The following SCN9A variants were observed in gnomAD, a reference collection of about 807,000 sequenced individuals.
The protein encoded by SCN9A is sodium channel protein type 9 subunit alpha.
A neutral mutation model predicts 187.0 loss-of-function variants in SCN9A; 131 were observed. That is an observed-to-expected ratio of 0.70 (90% CI 0.61 to 0.81). The LOEUF is 0.81. Ranked by LOEUF, SCN9A falls within the 30% of genes least tolerant of loss-of-function variation. The probability of loss-of-function intolerance (pLI) is 0.00; values close to 1 mark genes in which losing one functional copy is unlikely to be tolerated. For missense variants in SCN9A, 2,252 were observed against 2,396.6 expected, an observed-to-expected ratio of 0.94 and a Z score of 1.26; for synonymous variants, 809 against 808.6, an observed-to-expected ratio of 1.00 and a Z score of -0.01.
intron 17 of SCN9A, among the ~76,000 whole-genome samples, chr2:166,262,144 A>T (rs914320240): frequency 6.6e-6 from 1 of 151,958 alleles, no homozygotes; most frequent in African/African-American, 2.4e-5. Context: ...GAATGAATGT[A>T]TCAGGCAGAA....
At position 166,312,816 on chromosome 2, in the gene SCN9A, C is replaced by CTTT. The variant is rs35595054; in HGVS notation, c.-50-1013_-50-1011dup. On this transcript the variant is annotated intron_variant, in intron 1 of 26. Coordinates refer to ENST00000642356, the MANE Select transcript of SCN9A (RefSeq NM_001365536.1). ...TAGGCAGTGATATTTTGAAAGAAAT[C>CTTT]TTTTTTTTTTTTCCTGAGCTATAAG... 8.9e-5 allele frequency among the ~76,000 whole-genome samples: 13 copies of CTTT among 145,974 alleles called. No individual in the cohort carries two copies. In the East Asian group the frequency reaches 1.0e-3, roughly 11 times the overall value.
rs1263970900 is a variant in SCN9A at position 166,280,378 on chromosome 2, A to T, written c.2322T>A (p.Asn774Lys). Residue 774 changes from asparagine (N) to lysine (K), a missense_variant, in exon 14 of 27, where the codon AAT (asparagine) becomes AAA (lysine). Physicochemically the swap from Asn to Lys is moderately conservative, Grantham distance 94. This residue lies in a region of SCN9A where 1,013 missense variants were observed against 997.4 expected (regional missense o/e 1.02). Transcript: ENST00000642356. ...EHHPMTEEFKNVLAIGNLVFT... is the reference protein window; with the variant it reads ...EHHPMTEEFKKVLAIGNLVFT... ...TTACCAAATTTCCTATAGCAAGTAC[A>T]TTTTTGAATTCCTCAGTCATTGGGT... 8 of 1,577,298 alleles carry T rather than the reference A, an allele frequency of 5.1e-6. No individual in the cohort carries two copies. Among genetic ancestry groups the T allele is most frequent in the Middle Eastern group, 1.7e-4 (1 of 5,986 alleles).
At chr2:166,220,492 GA>G (rs1694536051) in intron 24 of SCN9A, among the ~76,000 whole-genome samples, 1 of 135,870 alleles carries the variant, frequency 7.4e-6, no homozygotes, top group South Asian at 2.4e-4. Context: ...ATCATAACAT[GA>G]TACCTTACAG....
Position 166,307,028 on chromosome 2 carries a change from G to T in SCN9A, c.305C>A (p.Ala102Asp). ...AGAAAGCATATATAAAGCAGGTGTG[G>T]CATTGAAACGGAAGATTGTTTTCCC... The part of the protein sequence containing the change: ...NKGKTIFRFN[A>D]TPALYMLSPF... The change falls in exon 3 of 27, where the codon GCC becomes GAC. Residue 102 changes from alanine to aspartate, a missense_variant. Ala to Asp is a moderately radical substitution (Grantham distance 126). Coordinates refer to ENST00000642356, the MANE Select transcript of SCN9A (RefSeq NM_001365536.1). The T allele has an allele frequency of 6.2e-7, 1 of 1,611,700 alleles. No homozygotes were observed. The highest frequency in any genetic ancestry group is 8.5e-7 in the Non-Finnish European group (1 of 1,178,082).
At chr2:166,228,550 C>A (rs552924175) in intron 22 of SCN9A, 141 bp downstream of exon 22, 7 of 834,098 alleles carry the variant, frequency 8.4e-6, no homozygotes, top group Non-Finnish European at 1.1e-5. Context: ...AGCCACTGCG[C>A]CCGGCCAAGA....
chr2:166,332,474 C>G (rs1247003970), intron 1 of SCN9A, among the ~76,000 whole-genome samples: 1 of 152,132 alleles, frequency 6.6e-6, no homozygotes, highest in African/African-American at 2.4e-5. Context: ...AAACAAGCTC[C>G]TTTTGGCTAT....
intron 2 of SCN9A, among the ~76,000 whole-genome samples, chr2:166,309,280 G>T (rs574251637): frequency 1.3e-5 from 2 of 152,184 alleles, no homozygotes; most frequent in African/African-American, 4.8e-5. Context: ...AAAAAGAATT[G>T]TTGGTATTTT....
In SCN9A at chr2:166,306,599, G is replaced by A. The variant is rs1392264337; in HGVS notation, c.378C>T (p.Ser126=). ...RRISIKILVH[S]LFSMLIMCTI... ...TGCACATGATGAGCATGCTGAATAAGGTAGCTTAGAATCAAGGAACAAAAG... is the reference window on the plus strand; with the variant it reads ...TGCACATGATGAGCATGCTGAATAAAGTAGCTTAGAATCAAGGAACAAAAG... Residue 126 remains serine (S), a splice_region_variant and synonymous_variant, in exon 4 of 27, where the codon TCC becomes TCT. Coordinates refer to ENST00000642356, the MANE Select transcript of SCN9A (RefSeq NM_001365536.1). 4 of 1,563,852 alleles carry A rather than the reference G, an allele frequency of 2.6e-6. No individual in the cohort carries two copies. Among genetic ancestry groups the A allele is most frequent in the Non-Finnish European group, 3.5e-6 (4 of 1,149,044 alleles).
At chr2:166,235,999 T>C (rs1020947071) in intron 20 of SCN9A, among the ~76,000 whole-genome samples, 5 of 152,104 alleles carry the variant, frequency 3.3e-5, no homozygotes, top group African/African-American at 1.2e-4. Context: ...CACTGAATGA[T>C]GAAAATGAGT....
intron 1 of SCN9A, among the ~76,000 whole-genome samples, chr2:166,337,456 G>A (rs1043047718): frequency 2.6e-5 from 4 of 152,114 alleles, no homozygotes; most frequent in Non-Finnish European, 5.9e-5. Context: ...GGAGACACCA[G>A]CATATAAAGA....
At chr2:166,240,895 A>G (rs1007059125) in intron 19 of SCN9A, among the ~76,000 whole-genome samples, 1 of 152,134 alleles carries the variant, frequency 6.6e-6, no homozygotes, top group South Asian at 2.1e-4. Context: ...AAAAGGATGC[A>G]TTCCCTAAGC....
intron 9 of SCN9A, among the ~76,000 whole-genome samples, chr2:166,291,409 T>C (rs1035816823): frequency 6.6e-6 from 1 of 152,048 alleles, no homozygotes; most frequent in African/African-American, 2.4e-5. Context: ...AAGCCACTAC[T>C]CAAGGAAACA....
At chr2:166,344,411 A>T (rs1699854734) in intron 1 of SCN9A, among the ~76,000 whole-genome samples, 1 of 152,198 alleles carries the variant, frequency 6.6e-6, no homozygotes, top group African/African-American at 2.4e-5. Context: ...ATGAGAAACC[A>T]CAAAGAAAAG....
At chr2:166,344,564 A>G (rs1036296421) in intron 1 of SCN9A, among the ~76,000 whole-genome samples, 3 of 152,192 alleles carry the variant, frequency 2.0e-5, no homozygotes, top group African/African-American at 4.8e-5. Context: ...TCAGCTCTAT[A>G]AATCATCATT....
In SCN9A at chr2:166,355,968, T is replaced by G. The variant is rs13390803; in HGVS notation, c.-51+19729A>C. On this transcript the variant is annotated intron_variant, in intron 1 of 26. Coordinates refer to ENST00000642356, the MANE Select transcript of SCN9A (RefSeq NM_001365536.1). ...TTGTATTTTTAGTAGCGACAGGGTT[T>G]CACCATGTTGGCCAGGATGGTCTTG... Among the ~76,000 whole-genome samples, 1,434 of 152,254 alleles carry G rather than the reference T, an allele frequency of 9.4e-3. 29 individuals are homozygous for G. Among genetic ancestry groups the G allele is most frequent in the African/African-American group, 0.033 (1,379 of 41,548 alleles).
At chr2:166,253,347 T>G (rs1238699542) in intron 17 of SCN9A, among the ~76,000 whole-genome samples, 1 of 151,792 alleles carries the variant, frequency 6.6e-6, no homozygotes, top group African/African-American at 2.4e-5. Flanking sequence ...TCCAGGAGTT[T>G]GATAACAGTT....
chr2:166,325,612 A>G (rs1295825518), intron 1 of SCN9A, among the ~76,000 whole-genome samples: 1 of 152,172 alleles, frequency 6.6e-6, no homozygotes, highest in Non-Finnish European at 1.5e-5. Context: ...TCCCTCAACC[A>G]TGGTAAGCAT....
chr2:166,288,250 A>T (rs1276277156), intron 10 of SCN9A, among the ~76,000 whole-genome samples, 187 bp downstream of exon 10: 2 of 151,684 alleles, frequency 1.3e-5, no homozygotes, highest in East Asian at 1.9e-4. Context: ...GATTATGGGG[A>T]AAGTATCAAT....
chr2:166,339,299 A>G (rs1207935435), intron 1 of SCN9A, among the ~76,000 whole-genome samples: 2 of 152,178 alleles, frequency 1.3e-5, no homozygotes, highest in African/African-American at 4.8e-5. Flanking sequence ...TTAAAGGCAC[A>G]AACAAGTAAT....
Sources: allele counts gnomAD v4.1 joint callset (sites outside exome capture counted in the v4.1 genomes callset), GRCh38; gene constraint gnomAD v4.1.1; regional missense constraint gnomAD v4.1.1; transcripts MANE v1.5; gene names NCBI Gene and HGNC (gene_info 2026-07-23, HGNC 2026-07-21).